Variants in CTNNA2 observed in about 807,000 individuals in gnomAD.
The protein encoded by CTNNA2 is catenin alpha-2.
A neutral mutation model predicts 101.0 loss-of-function variants in CTNNA2; 42 were observed. The ratio of observed to expected loss-of-function variants is 0.42; its 90% CI spans 0.32 to 0.54. The LOEUF (loss-of-function observed/expected upper bound fraction) is 0.54, where lower values mean the gene tolerates loss of function less well. Ranked by LOEUF, CTNNA2 falls within the 20% of genes least tolerant of loss-of-function variation. The probability of loss-of-function intolerance (pLI) is 0.14; values close to 1 mark genes in which losing one functional copy is unlikely to be tolerated. For missense variants in CTNNA2, 871 were observed against 1,223.1 expected, an observed-to-expected ratio of 0.71 and a Z score of 4.29; for synonymous variants, 450 against 456.4, an observed-to-expected ratio of 0.99 and a Z score of 0.18.
At chr2:79,494,400 G>T (rs1671234652) in intron 4 of CTNNA2, among the ~76,000 whole-genome samples, 1 of 151,872 alleles carries the variant, frequency 6.6e-6, no homozygotes, top group Non-Finnish European at 1.5e-5. Context: ...CACGTTTCTG[G>T]ATTTAAAAAC....
chr2:79,890,492 A>G (rs953968758), intron 6 of CTNNA2, among the ~76,000 whole-genome samples: 2 of 152,076 alleles, frequency 1.3e-5, no homozygotes, highest in Admixed American at 1.3e-4. Context: ...AGCAGATCCT[A>G]TGAAAGGACC....
chr2:80,158,931 G>T (rs532186438), intron 7 of CTNNA2, among the ~76,000 whole-genome samples: 5 of 151,412 alleles, frequency 3.3e-5, no homozygotes, highest in African/African-American at 1.2e-4. Flanking sequence ...AAAAAAGAAT[G>T]TCATACAAAT....
At chr2:80,149,024 T>TATTTC (rs201162987) in intron 7 of CTNNA2, among the ~76,000 whole-genome samples, 1 of 75,616 alleles carries the variant, frequency 1.3e-5, no homozygotes, top group African/African-American at 5.1e-5. Context: ...TATTTTGTTA[T>TATTTC]TTTTTTTTTT....
intron 9 of CTNNA2, among the ~76,000 whole-genome samples, chr2:80,512,602 T>C (rs1488896587): frequency 6.6e-6 from 1 of 152,198 alleles, no homozygotes; most frequent in Non-Finnish European, 1.5e-5. Flanking sequence ...TGGATAGCAT[T>C]TTAGAGTGAC....
At chr2:79,286,347 C>T (rs1234169263) in intron 2 of CTNNA2, among the ~76,000 whole-genome samples, 1 of 152,162 alleles carries the variant, frequency 6.6e-6, no homozygotes, top group African/African-American at 2.4e-5. Context: ...TCTTCCTAGT[C>T]TTGATGGTCT....
chr2:80,187,723 T>C lies in CTNNA2; in HGVS notation c.1057-205488T>C, dbSNP rs193116454. On this transcript the variant is annotated intron_variant, in intron 7 of 18. Transcript: ENST00000402739. Reference sequence around the variant, plus strand: ...AACAGAGAGAAAGAGGGGCAGATGGTTGGGAATGATAGTGAGAATGATGCT... The same window carrying C: ...AACAGAGAGAAAGAGGGGCAGATGGCTGGGAATGATAGTGAGAATGATGCT... Among the ~76,000 whole-genome samples, 13 of 152,208 alleles carry C rather than the reference T, an allele frequency of 8.5e-5. No homozygotes were observed. The East Asian group carries it at 2.5e-3, about 29-fold the overall frequency.
chr2:80,498,641 C>G (rs987412224), intron 9 of CTNNA2, among the ~76,000 whole-genome samples: 1 of 152,214 alleles, frequency 6.6e-6, no homozygotes, highest in African/African-American at 2.4e-5. Context: ...GTGTATCTTG[C>G]TCAGATAAAC....
At chr2:79,922,158 A>C (rs2104384378) in intron 7 of CTNNA2, among the ~76,000 whole-genome samples, 1 of 152,082 alleles carries the variant, frequency 6.6e-6, no homozygotes, top group South Asian at 2.1e-4. Flanking sequence ...ATTTATTGTT[A>C]TTTCTCTTCA....
Position 80,167,102 on chromosome 2 carries a change from G to GA in CTNNA2, c.1057-226101dup, listed in dbSNP as rs541925660. 2.2e-3 allele frequency among the ~76,000 whole-genome samples: 329 copies of GA among 150,980 alleles called. 2 individuals are homozygous for GA. The highest frequency in any genetic ancestry group is 7.3e-3 in the African/African-American group (300 of 41,204). ...TACTGGTACTTAGCAGGAGGAATAG[G>GA]AAAAAAAAGTATATATATATATTAG... On this transcript the variant is annotated intron_variant, in intron 7 of 18. Coordinates refer to ENST00000402739, the MANE Select transcript of CTNNA2 (RefSeq NM_001282597.3).
At chr2:79,840,176 G>C (rs1679693724) in intron 3 of CTNNA2, among the ~76,000 whole-genome samples, 1 of 152,112 alleles carries the variant, frequency 6.6e-6, no homozygotes, top group African/African-American at 2.4e-5. Flanking sequence ...TTCTTTTCTG[G>C]ACTGAGACAA....
intron 11 of CTNNA2, among the ~76,000 whole-genome samples, chr2:80,550,555 C>A (rs1192730003): frequency 6.6e-6 from 1 of 152,192 alleles, no homozygotes; most frequent in African/African-American, 2.4e-5. Context: ...GCTTTATGCA[C>A]TACATTTATA....
At chr2:79,408,146 C>T (rs1454246933) in intron 4 of CTNNA2, among the ~76,000 whole-genome samples, 1 of 151,996 alleles carries the variant, frequency 6.6e-6, no homozygotes, top group Non-Finnish European at 1.5e-5. Flanking sequence ...TCCGTCCCAT[C>T]TTCTTCCATT....
chr2:80,369,600 A>G (rs1675268269), intron 7 of CTNNA2, among the ~76,000 whole-genome samples: 1 of 152,174 alleles, frequency 6.6e-6, no homozygotes. Context: ...CCTGGAACCC[A>G]TGAATATGTT....
chr2:80,396,372 T>C (rs1295248240), intron 8 of CTNNA2, among the ~76,000 whole-genome samples: 1 of 152,200 alleles, frequency 6.6e-6, no homozygotes, highest in Non-Finnish European at 1.5e-5. Flanking sequence ...GGATGATAAC[T>C]GCCAGCTTTA....
intron 1 of CTNNA2, among the ~76,000 whole-genome samples, chr2:79,196,046 C>T (rs1458744848): frequency 2.0e-5 from 3 of 152,128 alleles, no homozygotes; most frequent in Non-Finnish European, 2.9e-5. Context: ...AAGCGATTCT[C>T]CTGCCTCAGC....
In CTNNA2 at chr2:80,099,215, C is replaced by G. The variant is rs187668439; in HGVS notation, c.1056+189418C>G. Among the ~76,000 whole-genome samples, 618 of 152,142 alleles carry G rather than the reference C, an allele frequency of 4.1e-3. 4 individuals carry two copies. The highest frequency in any genetic ancestry group is 4.8e-3 in the Non-Finnish European group (323 of 67,996). On this transcript the variant is annotated intron_variant, in intron 7 of 18. Coordinates refer to ENST00000402739, the MANE Select transcript of CTNNA2 (RefSeq NM_001282597.3). Reference sequence around the variant, plus strand: ...CAGATTCATTAAGAATAAGTCCTGACTAATTTAGTTAGTTTTCTTTTTCTA... The same window carrying G: ...CAGATTCATTAAGAATAAGTCCTGAGTAATTTAGTTAGTTTTCTTTTTCTA...
At chr2:79,204,705 G>C (rs866675034) in intron 2 of CTNNA2, among the ~76,000 whole-genome samples, 1 of 152,192 alleles carries the variant, frequency 6.6e-6, no homozygotes, top group African/African-American at 2.4e-5. Context: ...CAAGATCAAG[G>C]CATCAGCAGG....
Position 79,515,471 on chromosome 2 carries a change from T to A in CTNNA2, c.-6+2264T>A, listed in dbSNP as rs186939595. ...CTCTATGGGCTTTGCTCTTTCTTTG[T>A]TGCAGTTTTTCTGCAGAGTGGTGTG... On this transcript the variant is annotated intron_variant, in intron 1 of 18. Coordinates refer to ENST00000402739, the MANE Select transcript of CTNNA2 (RefSeq NM_001282597.3). Among the ~76,000 whole-genome samples the A allele has an allele frequency of 5.2e-4, 79 of 152,340 alleles. No individual in the cohort carries two copies. In the East Asian group the frequency reaches 0.013, roughly 25 times the overall value.
chr2:79,362,609 T>C (rs1314485083), intron 3 of CTNNA2, among the ~76,000 whole-genome samples: 1 of 152,154 alleles, frequency 6.6e-6, no homozygotes, highest in African/African-American at 2.4e-5. Context: ...TCTCTTTACA[T>C]GATGATGTTG....
Sources: allele counts gnomAD v4.1 joint callset (sites outside exome capture counted in the v4.1 genomes callset), GRCh38; gene constraint gnomAD v4.1.1; transcripts MANE v1.5; gene names NCBI Gene and HGNC (gene_info 2026-07-23, HGNC 2026-07-21).